Variants in AGTPBP1 observed in about 807,000 individuals in gnomAD.
AGTPBP1 encodes the protein cytosolic carboxypeptidase 1.
A neutral mutation model predicts 143.9 loss-of-function variants in AGTPBP1; 70 were observed. That is an observed-to-expected ratio of 0.49 (90% CI 0.40 to 0.59). The LOEUF (loss-of-function observed/expected upper bound fraction) is 0.59, where lower values mean the gene tolerates loss of function less well. Among genes scored for constraint, AGTPBP1 ranks in the 20% least tolerant of loss-of-function variants. The pLI, the probability that AGTPBP1 is intolerant of heterozygous loss-of-function variation, is 0.00. For missense variants in AGTPBP1, 1,229 were observed against 1,464.5 expected, an observed-to-expected ratio of 0.84 and a Z score of 2.62; for synonymous variants, 463 against 500.2, an observed-to-expected ratio of 0.93 and a Z score of 0.99.
At chr9:85,610,711 C>A (rs62566922) in intron 17 of AGTPBP1, among the ~76,000 whole-genome samples, 2,522 of 152,268 alleles carry the variant, frequency 0.017, 30 homozygotes, top group Middle Eastern at 0.054. Context: ...TCAATCATGT[C>A]TGACAATTAA....
At chr9:85,744,574 G>C (rs528797742), upstream of AGTPBP1, among the ~76,000 whole-genome samples, 1 of 152,342 alleles carries the variant, frequency 6.6e-6, no homozygotes, top group East Asian at 1.9e-4. Context: ...TCTCAGCAAA[G>C]AGAAGGATCC....
intron 14 of AGTPBP1, among the ~76,000 whole-genome samples, chr9:85,629,454 A>T (rs1831517996): frequency 6.6e-6 from 1 of 152,210 alleles, no homozygotes; most frequent in African/African-American, 2.4e-5. Context: ...GGATAGGCTC[A>T]GTCAGGGAGA....
At chr9:85,596,324 G>A (rs372210443) in intron 18 of AGTPBP1, 38 bp downstream of exon 18, 21 of 1,416,652 alleles carry the variant, frequency 1.5e-5, no homozygotes, top group Admixed American at 7.5e-5. Context: ...ACTGCCTTCT[G>A]TAAGCTGACA....
At chr9:85,658,557 T>C (rs1833671925) in intron 9 of AGTPBP1, among the ~76,000 whole-genome samples, 1 of 152,086 alleles carries the variant, frequency 6.6e-6, no homozygotes, top group South Asian at 2.1e-4. Context: ...TGAGGTTGTT[T>C]AATTACAAGG....
At chr9:85,772,225 C>T in the AGTPBP1 span, among the ~76,000 whole-genome samples, 3 of 151,990 alleles carry the variant, frequency 2.0e-5, no homozygotes, top group African/African-American at 2.4e-5. Context: ...CCTCCCGCCT[C>T]GGCCTCCCAA....
intron 3 of AGTPBP1, among the ~76,000 whole-genome samples, chr9:85,691,679 G>C (rs2134262556): frequency 6.6e-6 from 1 of 151,844 alleles, no homozygotes; most frequent in African/African-American, 2.4e-5. Context: ...TATATTTCCT[G>C]GTATCTTGCG....
intron 14 of AGTPBP1, among the ~76,000 whole-genome samples, chr9:85,625,389 A>C (rs1255435846): frequency 6.6e-6 from 1 of 152,194 alleles, no homozygotes; most frequent in Non-Finnish European, 1.5e-5. Context: ...TATGTGGAAA[A>C]TGATATCTCA....
intron 4 of AGTPBP1, 148 bp downstream of exon 4, chr9:85,681,120 A>C: frequency 1.4e-6 from 1 of 726,810 alleles, no homozygotes; most frequent in Middle Eastern, 3.3e-4. Context: ...CTTTACCTCT[A>C]AAACAAAAAT....
At chr9:85,768,191 T>A in the AGTPBP1 span, among the ~76,000 whole-genome samples, 1 of 152,228 alleles carries the variant, frequency 6.6e-6, no homozygotes, top group African/African-American at 2.4e-5. Flanking sequence ...TCACACTACC[T>A]TATATTATCT....
At chr9:85,712,930 G>A (rs1433403307) in intron 1 of AGTPBP1, among the ~76,000 whole-genome samples, 1 of 152,150 alleles carries the variant, frequency 6.6e-6, no homozygotes, top group East Asian at 1.9e-4. Flanking sequence ...CCTGTGATTA[G>A]TGCACTTACT....
At chr9:85,661,544 A>G (rs1833856911) in intron 8 of AGTPBP1, among the ~76,000 whole-genome samples, 1 of 152,092 alleles carries the variant, frequency 6.6e-6, no homozygotes, top group East Asian at 1.9e-4. Flanking sequence ...ATGACGCACC[A>G]AGATGAATAA....
intron 19 of AGTPBP1, among the ~76,000 whole-genome samples, chr9:85,591,665 GT>G (rs1828976630): frequency 6.6e-6 from 1 of 152,090 alleles, no homozygotes; most frequent in Non-Finnish European, 1.5e-5. Flanking sequence ...TACCTTTATG[GT>G]AGGTTGTAAC....
chr9:85,567,112 G>A (rs138304101), intron 25 of AGTPBP1, among the ~76,000 whole-genome samples: 177 of 152,238 alleles, frequency 1.2e-3, no homozygotes, highest in African/African-American at 3.8e-3. Flanking sequence ...AAGAGGTTAC[G>A]GGGAGAGGCT....
At chr9:85,595,680 C>T (rs141696237) in intron 18 of AGTPBP1, among the ~76,000 whole-genome samples, 251 of 152,196 alleles carry the variant, frequency 1.6e-3, no homozygotes, top group African/African-American at 5.8e-3. Context: ...GTGTGCGCCA[C>T]AATGCCCAGT....
At chr9:85,720,037 T>G (rs1837996647) in intron 1 of AGTPBP1, among the ~76,000 whole-genome samples, 1 of 152,234 alleles carries the variant, frequency 6.6e-6, no homozygotes, top group African/African-American at 2.4e-5. Context: ...GATAAGCTTT[T>G]TCTTGTGCTG....
chr9:85,561,637 T>G (rs1411636126), intron 25 of AGTPBP1, among the ~76,000 whole-genome samples: 3 of 151,094 alleles, frequency 2.0e-5, no homozygotes, highest in Admixed American at 2.0e-4. Flanking sequence ...GGGAAAAAAA[T>G]GAAGAGAAAA....
chr9:85,547,315 G>C, intron 25 of AGTPBP1, 29 bp from the exon 26 acceptor site: 1 of 1,564,966 alleles, frequency 6.4e-7, no homozygotes, highest in Non-Finnish European at 8.6e-7. Flanking sequence ...GAACATACAA[G>C]ACTTTGTGAG....
chr9:85,642,938 A>G lies in AGTPBP1; in HGVS notation c.1191T>C (p.Asp397=). Residue 397 remains aspartate, a synonymous_variant, in exon 13 of 26, where the codon GAT becomes GAC. Coordinates refer to ENST00000357081, the MANE Select transcript of AGTPBP1 (RefSeq NM_001330701.2). ...GTTTGTTAATATCTGTTTCAATATC[A>G]TCATTCTGAAATGATAAAAAGAGTA... is the stretch of plus-strand genomic sequence containing the variant. ...EDDLDQNFKN[D]DIETDINKLK... The G allele has an allele frequency of 6.2e-7, 1 of 1,608,376 alleles. No individual in the cohort carries two copies. The highest frequency in any genetic ancestry group is 8.5e-7 in the Non-Finnish European group (1 of 1,175,908).
At chr9:85,654,679 C>T (rs1833381650) in intron 11 of AGTPBP1, among the ~76,000 whole-genome samples, 1 of 151,910 alleles carries the variant, frequency 6.6e-6, no homozygotes, top group Admixed American at 6.6e-5. Flanking sequence ...CCCATCTCTA[C>T]TAAAAATACA....
Sources: allele counts gnomAD v4.1 joint callset (sites outside exome capture counted in the v4.1 genomes callset), GRCh38; gene constraint gnomAD v4.1.1; transcripts MANE v1.5; gene names NCBI Gene and HGNC (gene_info 2026-07-23, HGNC 2026-07-21).